Variants in IQCN observed in about 807,000 individuals in gnomAD.
IQCN encodes IQ domain-containing protein N.
A neutral mutation model predicts 64.4 loss-of-function variants in IQCN; 46 were observed. The observed-to-expected ratio is 0.71, with a 90% CI of 0.56 to 0.91. The LOEUF (loss-of-function observed/expected upper bound fraction) is 0.91, where lower values mean the gene tolerates loss of function less well. IQCN is among the 40% of genes least tolerant of loss of function. The pLI is 0.00. For synonymous variants in IQCN, 733 were observed against 775.6 expected, an observed-to-expected ratio of 0.95 and a Z score of 0.91; for missense variants, 1,753 against 1,857.4, an observed-to-expected ratio of 0.94 and a Z score of 1.03.
rs767600410 is a variant in IQCN at position 18,266,885 on chromosome 19, T to C, written c.655A>G (p.Thr219Ala). 6.2e-7 allele frequency: 1 copy of C among 1,609,532 alleles called. No individual in the cohort carries two copies. The highest frequency in any genetic ancestry group is 8.5e-7 in the Non-Finnish European group (1 of 1,177,020). ...PLLQPPAAQG[T>A]PEPCVQGPHA... is the part of the protein sequence containing the mutation. ...GGACCCTGCACACAGGGCTCTGGGG[T>C]ACCCTGAGCTGCTGGGGGCTGCAGG... The change falls in exon 3 of 4, where the codon ACC becomes GCC. Residue 219 changes from threonine (T) to alanine (A), a missense_variant. Physicochemically the swap from Thr to Ala is moderately conservative, Grantham distance 58. Transcript: ENST00000392413. The surrounding 1 kb of genome is among the most constrained non-coding windows in gnomAD (Gnocchi z 4.3).
rs747056286 is a variant in IQCN, at chr19:18,257,576, G to A, written c.3708C>T (p.Ser1236=). Reference sequence around the variant, plus strand: ...CGCTGGGCGGGCTCCCGATCCTGGAGCTCAGGGAGTGGCAGACGCTGCAAG... The same window carrying A: ...CGCTGGGCGGGCTCCCGATCCTGGAACTCAGGGAGTGGCAGACGCTGCAAG... The part of the protein sequence containing the change: ...AHACSVCHSL[S]SRIGSPPSVV... The change falls in exon 4 of 4, where the codon AGC becomes AGT. Residue 1236 remains serine (S), a synonymous_variant. Coordinates refer to ENST00000392413, the MANE Select transcript of IQCN (RefSeq NM_001145304.2). The A allele has an allele frequency of 5.1e-5, 82 of 1,612,638 alleles. No individual in the cohort carries two copies. Among genetic ancestry groups the A allele is most frequent in the Non-Finnish European group, 5.9e-5 (70 of 1,179,912 alleles).
In IQCN at chr19:18,267,342, C is replaced by A. The variant is rs200692032; in HGVS notation, c.198G>T (p.Pro66=). 1.2e-6 allele frequency: 2 copies of A among 1,613,896 alleles called. No homozygotes were observed. Among genetic ancestry groups the A allele is most frequent in the Non-Finnish European group, 1.7e-6 (2 of 1,179,938 alleles). The change falls in exon 3 of 4, where the codon CCG becomes CCT. Residue 66 remains proline, a synonymous_variant. Coordinates refer to ENST00000392413, the MANE Select transcript of IQCN (RefSeq NM_001145304.2). ...CCGTCTTGCCTTCGGCAGGCTGTTG[C>A]GGAAGATGCTCCTTGGACTTGAGGC... The part of the protein sequence containing the change: ...HEGLKSKEHL[P]QQPAEGKTAS...
chr19:18,268,216 G>A lies in IQCN; in HGVS notation c.14-690C>T, dbSNP rs1037159911. On this transcript the variant is annotated intron_variant, in intron 2 of 3. Coordinates refer to ENST00000392413, the MANE Select transcript of IQCN (RefSeq NM_001145304.2). The stretch of plus-strand genomic sequence containing the variant: ...TGTGTGTGTGTGTGTGTGTGTGTGT[G>A]TTTGAAAAAGAGAGAGAGAGAAGTG... 3.6e-5 allele frequency among the ~76,000 whole-genome samples: 5 copies of A among 140,420 alleles called. No homozygotes were observed. The East Asian group carries it at 1.0e-3, about 29-fold the overall frequency. The allele number at this position is 140,420 out of a possible 152,430, so 92.1% of individuals were successfully genotyped here. A position where few individuals can be genotyped will look rare whatever the true frequency, so the allele number is the denominator to read the frequency against.
At position 18,265,393 on chromosome 19, in the gene IQCN, A is replaced by G. The variant is rs1969536042; in HGVS notation, c.2147T>C (p.Met716Thr). ...TGTGGCCAGATGTGTCTGGGAATGC[A>G]TCTTGCTCAGACAGGTGTCCAGATG... is the stretch of plus-strand genomic sequence containing the variant. ...LAHLDTCLSK[M>T]HSQTHLATGA... The change falls in exon 3 of 4, where the codon ATG becomes ACG. Residue 716 changes from methionine to threonine, a missense_variant. Met to Thr is a moderately conservative substitution (Grantham distance 81, BLOSUM62 -1). Coordinates refer to ENST00000392413, the MANE Select transcript of IQCN (RefSeq NM_001145304.2). This position sits in a 1 kb window ranked among gnomAD's most constrained non-coding sequence, Gnocchi z 4.7. The G allele has an allele frequency of 6.2e-7, 1 of 1,614,168 alleles. No individual in the cohort carries two copies. The highest frequency in any genetic ancestry group is 1.1e-5 in the South Asian group (1 of 91,092).
chr19:18,257,208 GA>G lies in IQCN; in HGVS notation c.4075del (p.Ser1359HisfsTer?), dbSNP rs757975809. 3 of 1,613,510 alleles carry G rather than the reference GA, an allele frequency of 1.9e-6. No homozygotes were observed. The highest frequency in any genetic ancestry group is 2.5e-6 in the Non-Finnish European group (3 of 1,180,028). ...LLGPADPSASSRHMHWPGI is the reference protein window; with the variant it reads ...LLGPADPSASXRHMHWPGI ...GATGCCAGGCCAATGCATGTGCCGT[GA>G]GCTGGCCGAGGGGTCTGCTGGTCCC... On this transcript the variant is annotated frameshift_variant, in exon 4 of 4. Coordinates refer to ENST00000392413, the MANE Select transcript of IQCN (RefSeq NM_001145304.2). LOFTEE classifies it high-confidence loss of function.
chr19:18,274,440 G>C lies in IQCN; in HGVS notation c.-147C>G, dbSNP rs1287074348. The stretch of plus-strand genomic sequence containing the variant: ...CTAAACCTAGCAGTCTGAACGGCCA[G>C]TCTTGGAGCCCTGGTGCCGCAGCAG... On this transcript the variant is annotated 5_prime_UTR_variant, in exon 1 of 4. Transcript: ENST00000392413. 6.6e-6 allele frequency: 1 copy of C among 151,882 alleles called. No individual in the cohort carries two copies. The highest frequency in any genetic ancestry group is 2.4e-5 in the African/African-American group (1 of 41,324). 9.4% of individuals were successfully genotyped at this position (151,882 alleles called of 1,614,324 possible).
chr19:18,262,834 T>C (rs1969460427), intron 3 of IQCN, among the ~76,000 whole-genome samples: 1 of 152,206 alleles, frequency 6.6e-6, no homozygotes. Context: ...GCCAAGCTCT[T>C]GGCCACAGAT....
chr19:18,266,961 C>G lies in IQCN; in HGVS notation c.579G>C (p.Gln193His), dbSNP rs767862602. 6 of 1,613,190 alleles carry G rather than the reference C, an allele frequency of 3.7e-6. No individual in the cohort carries two copies. In the South Asian group the frequency reaches 6.6e-5, roughly 18 times the overall value. The change falls in exon 3 of 4, where the codon CAG (glutamine) becomes CAC (histidine). Residue 193 changes from glutamine (Q) to histidine (H), a missense_variant. Gln to His is a conservative substitution (Grantham distance 24). Transcript: ENST00000392413. This position sits in a 1 kb window ranked among gnomAD's most constrained non-coding sequence, Gnocchi z 4.3. ...GGACCAGATTGTCACAGGAAGGGAA[C>G]TGGGTCTCCTTGTTCACCATGATGG... ...SPPIMVNKET[Q>H]FPSCDNLVLC...
chr19:18,257,708 CACCCACGTGACGGGGTGG>C lies in IQCN; in HGVS notation c.3558_3575del (p.His1187_Val1192del). The C allele has an allele frequency of 6.2e-7, 1 of 1,605,966 alleles. No homozygotes were observed. The highest frequency in any genetic ancestry group is 8.5e-7 in the Non-Finnish European group (1 of 1,175,508). ...TGACCCCGGCCCGGCTGCCCAGCTC[CACCCACGTGACGGGGTGG>C]AGCATCTGCCAGTGCCGGGCTTGGT... On this transcript the variant is annotated inframe_deletion, in exon 4 of 4. Transcript: ENST00000392413.
Position 18,264,264 on chromosome 19 carries a change from C to A in IQCN, c.3177+99G>T. On this transcript the variant is annotated intron_variant, in intron 3 of 3. Coordinates refer to ENST00000392413, the MANE Select transcript of IQCN (RefSeq NM_001145304.2). The surrounding 1 kb of genome is among the most constrained non-coding windows in gnomAD (Gnocchi z 4.3). ...AGTGACCACAGATAAGCAGGGTGAC[C>A]CCCACAAGATGGCCCCATCAATCCC... is the stretch of plus-strand genomic sequence containing the variant. 1 of 1,048,538 alleles carries A rather than the reference C, an allele frequency of 9.5e-7. No homozygotes were observed. The highest frequency in any genetic ancestry group is 1.3e-6 in the Non-Finnish European group (1 of 748,010). The allele number at this position is 1,048,538 out of a possible 1,614,324, so 65.0% of individuals were successfully genotyped here.
Position 18,266,432 on chromosome 19 carries a change from G to A in IQCN, c.1108C>T (p.Pro370Ser), listed in dbSNP as rs929226664. Residue 370 changes from proline to serine, a missense_variant, in exon 3 of 4, where the codon CCC becomes TCC. Pro to Ser is a moderately conservative substitution (Grantham distance 74). Transcript: ENST00000392413. This position sits in a 1 kb window ranked among gnomAD's most constrained non-coding sequence, Gnocchi z 4.3. ...TTTPPKTSPV[P>S]KVTIIKTPAQ... ...GGGGTCTTGATTATTGTTACTTTGG[G>A]AACTGGGCTAGTCTTGGGTGGGGTG... 2.5e-6 allele frequency: 4 copies of A among 1,585,544 alleles called. No homozygotes were observed. Among genetic ancestry groups the A allele is most frequent in the Non-Finnish European group, 2.6e-6 (3 of 1,166,404 alleles).
At position 18,257,581 on chromosome 19, in the gene IQCN, G is replaced by A. The variant is rs771067345; in HGVS notation, c.3703C>T (p.Leu1235=). The part of the protein sequence containing the change: ...QAHACSVCHS[L]SSRIGSPPSV... The stretch of plus-strand genomic sequence containing the variant: ...GGCGGGCTCCCGATCCTGGAGCTCA[G>A]GGAGTGGCAGACGCTGCAAGCGTGT... The change falls in exon 4 of 4, where the codon CTG becomes TTG. Residue 1235 remains leucine (L), a synonymous_variant. Transcript: ENST00000392413. 62 of 1,612,604 alleles carry A rather than the reference G, an allele frequency of 3.8e-5. No individual in the cohort carries two copies. Among genetic ancestry groups the A allele is most frequent in the Non-Finnish European group, 5.1e-5 (60 of 1,179,916 alleles).
In IQCN at chr19:18,265,712, T is replaced by G. The variant is rs2277922; in HGVS notation, c.1828A>C (p.Thr610Pro). The change falls in exon 3 of 4, where the codon ACC (threonine) becomes CCC (proline). Residue 610 changes from threonine (T) to proline (P), a missense_variant. By Grantham distance (38) the Thr-to-Pro change is conservative. Transcript: ENST00000392413. This position sits in a 1 kb window ranked among gnomAD's most constrained non-coding sequence, Gnocchi z 4.7. ...PLEAEKIKTG[T>P]QKQAKTDMAF... ...ATGTCTGTTTTCGCCTGTTTCTGGG[T>G]GCCAGTCTTGATTTTCTCGGCTTCC... 0.47 allele frequency: 751,022 copies of G among 1,613,804 alleles called. 179,163 individuals carry two copies. The highest frequency in any genetic ancestry group is 0.72 in the African/African-American group (53,804 of 74,980).
chr19:18,271,839 T>G (rs910458892), intron 1 of IQCN, among the ~76,000 whole-genome samples: 10 of 152,152 alleles, frequency 6.6e-5, no homozygotes, highest in Non-Finnish European at 1.2e-4. Context: ...AGAGTCTCAC[T>G]CTGTCCCCCA....
chr19:18,274,012 C>T (rs1341338158), intron 1 of IQCN, among the ~76,000 whole-genome samples: 7 of 152,214 alleles, frequency 4.6e-5, no homozygotes, highest in African/African-American at 1.4e-4. Flanking sequence ...GGCTCCTGCC[C>T]GTAATCCAAG....
Position 18,257,687 on chromosome 19 carries a change from C to T in IQCN, c.3597G>A (p.Gly1199=), listed in dbSNP as rs1969328612. ...VTWVELGSRA[G]VMSDRSWFQD... ...GGAACCAGCTTCGGTCAGACATGAC[C>T]CCGGCCCGGCTGCCCAGCTCCACCC... Residue 1199 remains glycine, a synonymous_variant, in exon 4 of 4, where the codon GGG becomes GGA. Coordinates refer to ENST00000392413, the MANE Select transcript of IQCN (RefSeq NM_001145304.2). The T allele has an allele frequency of 6.2e-7, 1 of 1,604,476 alleles. No homozygotes were observed. Among genetic ancestry groups the T allele is most frequent in the Non-Finnish European group, 8.5e-7 (1 of 1,174,394 alleles).
In IQCN at chr19:18,257,552, G is replaced by A. The variant is rs370353928; in HGVS notation, c.3732C>T (p.Ser1244=). The change falls in exon 4 of 4, where the codon AGC becomes AGT. Residue 1244 remains serine, a synonymous_variant. Coordinates refer to ENST00000392413, the MANE Select transcript of IQCN (RefSeq NM_001145304.2). ...SLSSRIGSPP[S]VVMLVGSSPR... The stretch of plus-strand genomic sequence containing the variant: ...GGCTGGAGCCCACTAGCATCACCAC[G>A]CTGGGCGGGCTCCCGATCCTGGAGC... The A allele has an allele frequency of 3.3e-5, 53 of 1,612,366 alleles. No homozygotes were observed. In the African/African-American group the frequency reaches 4.3e-4, roughly 13 times the overall value.
rs878946525 is a variant in IQCN, at chr19:18,267,055, TCCC to T, written c.482_484del (p.Gly161del). 3 of 1,614,248 alleles carry T rather than the reference TCCC, an allele frequency of 1.9e-6. No homozygotes were observed. The highest frequency in any genetic ancestry group is 2.2e-5 in the South Asian group (2 of 91,090). The stretch of plus-strand genomic sequence containing the variant: ...CTGCTGTGGGGCGTGATAAGGTATG[TCCC>T]CCTCCTCCGCCCTCGTTTTCTTTAC... On this transcript the variant is annotated inframe_deletion, in exon 3 of 4. Transcript: ENST00000392413.
chr19:18,264,919 C>A lies in IQCN; in HGVS notation c.2621G>T (p.Gly874Val), dbSNP rs772600630. The A allele has an allele frequency of 1.2e-6, 2 of 1,613,196 alleles. No homozygotes were observed. The change falls in exon 3 of 4, where the codon GGC becomes GTC. Residue 874 changes from glycine (G) to valine (V), a missense_variant. Coordinates refer to ENST00000392413, the MANE Select transcript of IQCN (RefSeq NM_001145304.2). This position sits in a 1 kb window ranked among gnomAD's most constrained non-coding sequence, Gnocchi z 4.3. ...QAVPCQEDTV[G>V]SLLASLCAEV... ...AGCACACAAGGAGGCCAGCAGGGAG[C>A]CTACCGTGTCCTCCTGGCAGGGCAC...
Sources: allele counts gnomAD v4.1 joint callset (sites outside exome capture counted in the v4.1 genomes callset), GRCh38; gene constraint gnomAD v4.1.1; non-coding constraint Gnocchi (gnomAD v3.1); transcripts MANE v1.5; gene names NCBI Gene and HGNC (gene_info 2026-07-23, HGNC 2026-07-21).